Variants in RASGEF1C observed in about 807,000 individuals in gnomAD.
RASGEF1C encodes RasGEF domain family member 1C, also known as ras-GEF domain-containing family member 1C.
RASGEF1C carries 27 observed loss-of-function variants against 58.1 expected under a neutral mutation model. The observed-to-expected ratio is 0.46, with a 90% confidence interval of 0.34 to 0.64. The LOEUF (loss-of-function observed/expected upper bound fraction) is 0.64, where lower values mean the gene tolerates loss of function less well. Ranked by LOEUF, RASGEF1C falls within the 30% of genes least tolerant of loss-of-function variation. The probability of loss-of-function intolerance (pLI) is 0.01; values close to 1 mark genes in which losing one functional copy is unlikely to be tolerated. For missense variants in RASGEF1C, 502 were observed against 605.1 expected (o/e 0.83, Z 1.79); for synonymous variants, 243 against 246.3 (o/e 0.99, Z 0.13).
intron 1 of RASGEF1C, among the ~76,000 whole-genome samples, chr5:180,152,640 C>T (rs547642247): frequency 2.7e-5 from 4 of 150,048 alleles, no homozygotes; most frequent in African/African-American, 4.9e-5. Context: ...GTGCAGCACA[C>T]CAACATGGCA....
At chr5:180,146,553 T>G (rs1341321332) in intron 1 of RASGEF1C, among the ~76,000 whole-genome samples, 1 of 152,184 alleles carries the variant, frequency 6.6e-6, no homozygotes, top group Non-Finnish European at 1.5e-5. Flanking sequence ...GTTTAATGCT[T>G]TTTTCTTCAT....
chr5:180,127,748 G>T, intron 5 of RASGEF1C, 65 bp from the exon 6 acceptor site: 1 of 1,456,836 alleles, frequency 6.9e-7, no homozygotes, highest in Non-Finnish European at 9.4e-7. Context: ...CCACTGGGGG[G>T]CCTGCCGTGG....
At chr5:180,125,965 C>T (rs1278892935) in intron 6 of RASGEF1C, among the ~76,000 whole-genome samples, 2 of 152,232 alleles carry the variant, frequency 1.3e-5, no homozygotes, top group East Asian at 3.9e-4. Context: ...TAAGAATGTC[C>T]ACTGTGGGAA....
At chr5:180,103,078 A>G (rs1457806152) in intron 12 of RASGEF1C, among the ~76,000 whole-genome samples, 1 of 152,108 alleles carries the variant, frequency 6.6e-6, no homozygotes, top group African/African-American at 2.4e-5. Flanking sequence ...TTCTTTCATC[A>G]GCATTAACTT....
intron 1 of RASGEF1C, among the ~76,000 whole-genome samples, chr5:180,195,744 G>A (rs1182191738): frequency 1.1e-4 from 17 of 151,130 alleles, no homozygotes; most frequent in South Asian, 1.1e-3. Context: ...CAGCCTGGGC[G>A]ACAGAGCGAG....
Position 180,118,822 on chromosome 5 carries a change from C to G in RASGEF1C, c.952G>C (p.Ala318Pro). ...AAAAACTTGGCCGTCCTCACTTTGGCCCAGGTCTTCTTCAGCCTGGAGACA... is the reference window on the plus strand; with the variant it reads ...AAAAACTTGGCCGTCCTCACTTTGGGCCAGGTCTTCTTCAGCCTGGAGACA... ...SPVSRLKKTW[A>P]KVRTAKFFIL... Residue 318 changes from alanine (A) to proline (P), a missense_variant, in exon 9 of 14, where the codon GCC becomes CCC. Physicochemically the swap from Ala to Pro is conservative, Grantham distance 27. Coordinates refer to ENST00000361132, the MANE Select transcript of RASGEF1C (RefSeq NM_175062.4). 6.2e-7 allele frequency: 1 copy of G among 1,614,206 alleles called. No individual in the cohort carries two copies. The highest frequency in any genetic ancestry group is 8.5e-7 in the Non-Finnish European group (1 of 1,180,032).
At chr5:180,151,510 G>C (rs1186835753) in intron 1 of RASGEF1C, among the ~76,000 whole-genome samples, 1 of 152,166 alleles carries the variant, frequency 6.6e-6, no homozygotes, top group African/African-American at 2.4e-5. Flanking sequence ...AAACTGGCTA[G>C]CCATATGTAG....
At chr5:180,166,979 T>G (rs771876476) in intron 1 of RASGEF1C, among the ~76,000 whole-genome samples, 21 of 152,226 alleles carry the variant, frequency 1.4e-4, no homozygotes, top group Non-Finnish European at 2.9e-4. Context: ...TCTGGCTGCT[T>G]ACAATATTTT....
intron 1 of RASGEF1C, among the ~76,000 whole-genome samples, chr5:180,204,311 G>A (rs1363678431): frequency 6.6e-6 from 1 of 152,202 alleles, no homozygotes; most frequent in African/African-American, 2.4e-5. Context: ...GAGTGGGACT[G>A]TTGGGTCATA....
intron 1 of RASGEF1C, among the ~76,000 whole-genome samples, chr5:180,207,627 C>CTCTG (rs373908666): frequency 5.3e-4 from 16 of 30,108 alleles, no homozygotes; most frequent in Admixed American, 1.6e-3. Context: ...CCGTCCCTCT[C>CTCTG]TCGCCTGCCC....
At chr5:180,191,395 C>T (rs13158703) in intron 1 of RASGEF1C, among the ~76,000 whole-genome samples, 98,606 of 151,692 alleles carry the variant, frequency 0.65, 34,106 homozygotes, top group East Asian at 0.86. Flanking sequence ...CTAGCTCTGT[C>T]GCCCAGGCTG....
At chr5:180,183,420 T>G (rs1168318834) in intron 1 of RASGEF1C, among the ~76,000 whole-genome samples, 6 of 150,422 alleles carry the variant, frequency 4.0e-5, no homozygotes, top group Non-Finnish European at 8.9e-5. Context: ...AGCAAAGGGA[T>G]ATAGCTTAAA....
intron 1 of RASGEF1C, among the ~76,000 whole-genome samples, chr5:180,195,964 G>T (rs1391795017): frequency 6.6e-6 from 1 of 152,120 alleles, no homozygotes; most frequent in Admixed American, 6.5e-5. Flanking sequence ...AATAAAAATT[G>T]TATTTATGGT....
At chr5:180,149,051 T>G (rs1174812611) in intron 1 of RASGEF1C, among the ~76,000 whole-genome samples, 1 of 151,922 alleles carries the variant, frequency 6.6e-6, no homozygotes, top group Non-Finnish European at 1.5e-5. Flanking sequence ...TTCTGGCCTC[T>G]AAGGTTTCTT....
At chr5:180,110,021 G>A (rs181620635) in intron 12 of RASGEF1C, among the ~76,000 whole-genome samples, 1 of 152,352 alleles carries the variant, frequency 6.6e-6, no homozygotes, top group East Asian at 1.9e-4. Context: ...CAAGCTTGTG[G>A]TGATTTGTGA....
At chr5:180,104,907 T>TCAA in intron 12 of RASGEF1C, among the ~76,000 whole-genome samples, 1 of 152,324 alleles carries the variant, frequency 6.6e-6, no homozygotes, top group Middle Eastern at 3.4e-3. Context: ...ATGTCTGTAG[T>TCAA]CGTTAGTGAT....
chr5:180,181,731 T>A (rs1008197322), intron 1 of RASGEF1C, among the ~76,000 whole-genome samples: 10 of 152,208 alleles, frequency 6.6e-5, no homozygotes, highest in African/African-American at 2.4e-4. Flanking sequence ...CACATTTCCG[T>A]TGTTTTAAGC....
chr5:180,113,858 G>A (rs1278845719), intron 11 of RASGEF1C, among the ~76,000 whole-genome samples: 1 of 151,970 alleles, frequency 6.6e-6, no homozygotes, highest in Non-Finnish European at 1.5e-5. Context: ...TGGAGGGATC[G>A]AGGATAGATG....
intron 1 of RASGEF1C, among the ~76,000 whole-genome samples, chr5:180,141,850 C>T (rs1766585947): frequency 6.6e-6 from 1 of 151,838 alleles, no homozygotes; most frequent in South Asian, 2.1e-4. Flanking sequence ...GCTGGGATTA[C>T]AGGTGCCCAC....
Sources: allele counts gnomAD v4.1 joint callset (sites outside exome capture counted in the v4.1 genomes callset), GRCh38; gene constraint gnomAD v4.1.1; transcripts MANE v1.5; gene names NCBI Gene and HGNC (gene_info 2026-07-23, HGNC 2026-07-21).